Variants in CARMIL1 observed in about 807,000 individuals in gnomAD.
CARMIL1 encodes the protein F-actin-uncapping protein LRRC16A.
A neutral mutation model predicts 177.1 loss-of-function variants in CARMIL1; 90 were observed. The ratio of observed to expected loss-of-function variants is 0.51; its 90% confidence interval spans 0.43 to 0.61. The LOEUF is 0.61. CARMIL1 is among the 20% of genes least tolerant of loss of function. The pLI is 0.00. For synonymous variants in CARMIL1, 577 were observed against 606.2 expected, an observed-to-expected ratio of 0.95 and a Z score of 0.71; for missense variants, 1,380 against 1,667.0, an observed-to-expected ratio of 0.83 and a Z score of 3.00.
chr6:25,591,447 G>C (rs2151285183), intron 31 of CARMIL1, among the ~76,000 whole-genome samples: 1 of 152,302 alleles, frequency 6.6e-6, no homozygotes, highest in African/African-American at 2.4e-5. Flanking sequence ...TCTGGCCCCA[G>C]GCTCACGGCT....
At chr6:25,319,669 A>G (rs1784537083) in intron 2 of CARMIL1, among the ~76,000 whole-genome samples, 2 of 151,748 alleles carry the variant, frequency 1.3e-5, no homozygotes, top group Admixed American at 1.3e-4. Flanking sequence ...AAAGGAGTAG[A>G]TGACTCCTAG....
chr6:25,534,346 G>C (rs944237934), intron 24 of CARMIL1, among the ~76,000 whole-genome samples: 48 of 152,070 alleles, frequency 3.2e-4, no homozygotes, highest in Admixed American at 2.8e-3. Context: ...GTGCTATACT[G>C]TCCTGCCTTA....
At chr6:25,312,910 A>AC (rs1783947170) in intron 2 of CARMIL1, among the ~76,000 whole-genome samples, 3 of 139,484 alleles carry the variant, frequency 2.2e-5, no homozygotes, top group South Asian at 4.8e-4. Context: ...TCAGTTAAAA[A>AC]AAAAAAAAAA....
At chr6:25,420,281 A>G (rs1241839118) in intron 3 of CARMIL1, 117 bp downstream of exon 3, 1 of 842,334 alleles carries the variant, frequency 1.2e-6, no homozygotes, top group Non-Finnish European at 2.0e-6. Context: ...CTGCAACACA[A>G]CACACACACA....
At chr6:25,493,221 T>C (rs1304299526) in intron 15 of CARMIL1, among the ~76,000 whole-genome samples, 2 of 152,232 alleles carry the variant, frequency 1.3e-5, no homozygotes, top group Non-Finnish European at 2.9e-5. Context: ...GTTAAGCTTA[T>C]AGAACAGAAT....
At chr6:25,413,260 CT>C (rs1190959846) in intron 2 of CARMIL1, among the ~76,000 whole-genome samples, 1 of 152,154 alleles carries the variant, frequency 6.6e-6, no homozygotes. Context: ...ATTTAGTTTG[CT>C]TGCAAATTAG....
At chr6:25,570,211 G>A (rs1811953009) in intron 29 of CARMIL1, among the ~76,000 whole-genome samples, 2 of 152,220 alleles carry the variant, frequency 1.3e-5, no homozygotes, top group Admixed American at 6.5e-5. Context: ...TGATCTGCCC[G>A]CCTCGGCCTC....
Position 25,347,676 on chromosome 6 carries a change from T to C in CARMIL1, c.138+62767T>C, listed in dbSNP as rs542669481. Among the ~76,000 whole-genome samples, 7 of 152,240 alleles carry C rather than the reference T, an allele frequency of 4.6e-5. No homozygotes were observed. In the East Asian group the frequency reaches 5.8e-4, roughly 13 times the overall value. On this transcript the variant is annotated intron_variant, in intron 2 of 36. Coordinates refer to ENST00000329474, the MANE Select transcript of CARMIL1 (RefSeq NM_017640.6). The stretch of plus-strand genomic sequence containing the variant: ...TAGTTTAGAAAGTTCCCATATACCC[T>C]TTACTCAGCTTTCCCTAATGTTAAC...
chr6:25,295,652 G>C (rs1263572529), intron 2 of CARMIL1, among the ~76,000 whole-genome samples: 1 of 152,206 alleles, frequency 6.6e-6, no homozygotes, highest in Non-Finnish European at 1.5e-5. Flanking sequence ...TCTTAGACCA[G>C]TGCTCCTTGG....
intron 2 of CARMIL1, 49 bp downstream of exon 2, chr6:25,284,958 T>A: frequency 4.3e-6 from 5 of 1,156,042 alleles, no homozygotes; most frequent in Non-Finnish European, 5.1e-6. Context: ...TGAAAGTGTG[T>A]TTTCATTGTT....
At chr6:25,507,182 C>T (rs1317907225) in intron 17 of CARMIL1, among the ~76,000 whole-genome samples, 2 of 152,124 alleles carry the variant, frequency 1.3e-5, no homozygotes, top group Non-Finnish European at 2.9e-5. Flanking sequence ...TATGCAAATT[C>T]ATTTAAAAGG....
At chr6:25,540,501 G>A (rs898725525) in intron 26 of CARMIL1, among the ~76,000 whole-genome samples, 2 of 152,100 alleles carry the variant, frequency 1.3e-5, no homozygotes, top group Admixed American at 6.5e-5. Context: ...AAAGGGGCTG[G>A]TTGAAAGACT....
intron 5 of CARMIL1, among the ~76,000 whole-genome samples, chr6:25,446,248 G>C (rs969690360): frequency 5.9e-5 from 9 of 152,174 alleles, no homozygotes; most frequent in Non-Finnish European, 1.3e-4. Context: ...CTTCTCCCTA[G>C]CTAAGAAAGT....
intron 29 of CARMIL1, chr6:25,563,781 G>T: frequency 4.1e-6 from 4 of 985,404 alleles, no homozygotes; most frequent in Non-Finnish European, 4.8e-6. Flanking sequence ...AGTTTTGGTG[G>T]ATCACAGAAC....
At chr6:25,595,141 G>A (rs1814701328) in intron 32 of CARMIL1, among the ~76,000 whole-genome samples, 2 of 152,148 alleles carry the variant, frequency 1.3e-5, no homozygotes, top group African/African-American at 4.8e-5. Flanking sequence ...TGGTACTTTT[G>A]TTAACAGTTC....
At chr6:25,583,488 A>G (rs1191351706) in intron 31 of CARMIL1, among the ~76,000 whole-genome samples, 1 of 152,194 alleles carries the variant, frequency 6.6e-6, no homozygotes, top group Non-Finnish European at 1.5e-5. Context: ...CAGTGCTTAC[A>G]TTGGGTTTTG....
chr6:25,580,504 T>G (rs1190723032), intron 29 of CARMIL1, among the ~76,000 whole-genome samples: 3 of 152,224 alleles, frequency 2.0e-5, no homozygotes, highest in Non-Finnish European at 2.9e-5. Context: ...TGCAACTACT[T>G]AAGTCATTGA....
intron 2 of CARMIL1, among the ~76,000 whole-genome samples, chr6:25,328,213 G>A (rs1785297614): frequency 6.6e-6 from 1 of 152,196 alleles, no homozygotes; most frequent in African/African-American, 2.4e-5. Flanking sequence ...GGGACTCACA[G>A]AGCAGTGGCA....
At chr6:25,581,019 C>A in intron 30 of CARMIL1, 29 bp downstream of exon 30, 1 of 1,575,498 alleles carries the variant, frequency 6.3e-7, no homozygotes, top group Non-Finnish European at 8.6e-7. Context: ...CCAATCATTT[C>A]CTTGGAACTG....
Sources: gnomAD v4.1 joint callset for allele counts (sites outside exome capture counted in the v4.1 genomes callset) on GRCh38, gnomAD v4.1.1 for gene constraint, MANE v1.5 for transcripts, NCBI Gene and HGNC (gene_info 2026-07-23, HGNC 2026-07-21) for gene names.